DENND1A: variants seen among roughly 807,000 people sequenced by gnomAD.
The protein encoded by DENND1A is DENN domain-containing protein 1A.
DENND1A carries 51 observed loss-of-function variants against 113.7 expected under a neutral mutation model. The observed-to-expected ratio is 0.45, with a 90% confidence interval of 0.36 to 0.57. The LOEUF (loss-of-function observed/expected upper bound fraction) is 0.57, where lower values mean the gene tolerates loss of function less well. Ranked by LOEUF, DENND1A falls within the 20% of genes least tolerant of loss-of-function variation. DENND1A has a pLI of 0.00. For synonymous variants in DENND1A, 565 were observed against 570.8 expected, an observed-to-expected ratio of 0.99 and a Z score of 0.14; for missense variants, 1,258 against 1,395.9, an observed-to-expected ratio of 0.90 and a Z score of 1.57.
chr9:123,916,694 G>A (rs550829413), intron 1 of DENND1A, among the ~76,000 whole-genome samples: 101 of 152,110 alleles, frequency 6.6e-4, no homozygotes, highest in African/African-American at 2.3e-3. Context: ...TTTAATGGAA[G>A]GACAAATGAA....
chr9:123,646,750 T>C (rs903885197), intron 9 of DENND1A, among the ~76,000 whole-genome samples: 1 of 152,138 alleles, frequency 6.6e-6, no homozygotes, highest in African/African-American at 2.4e-5. Flanking sequence ...CAGGGATTGT[T>C]GCCTGTTTTG....
At chr9:123,737,001 C>T (rs1316109942) in intron 5 of DENND1A, among the ~76,000 whole-genome samples, 1 of 152,080 alleles carries the variant, frequency 6.6e-6, no homozygotes, top group African/African-American at 2.4e-5. Flanking sequence ...TATAAAATGT[C>T]AATATAATTT....
intron 5 of DENND1A, among the ~76,000 whole-genome samples, chr9:123,722,152 T>C (rs1256343991): frequency 6.6e-6 from 1 of 152,214 alleles, no homozygotes; most frequent in African/African-American, 2.4e-5. Context: ...ACTCTTGTTA[T>C]GTTTTAGCAA....
intron 8 of DENND1A, among the ~76,000 whole-genome samples, chr9:123,662,460 G>A (rs1023911776): frequency 3.3e-5 from 5 of 152,200 alleles, no homozygotes; most frequent in African/African-American, 1.2e-4. Flanking sequence ...CTATTTGGGA[G>A]GCTGAGACAG....
At chr9:123,577,003 G>A (rs2058671816) in intron 12 of DENND1A, among the ~76,000 whole-genome samples, 1 of 151,920 alleles carries the variant, frequency 6.6e-6, no homozygotes, top group Admixed American at 6.6e-5. Context: ...GCTTCTTGGA[G>A]CTCTGAGTAT....
chr9:123,522,575 G>A (rs1301709453), intron 13 of DENND1A, among the ~76,000 whole-genome samples: 2 of 152,084 alleles, frequency 1.3e-5, no homozygotes, highest in African/African-American at 2.4e-5. Context: ...TGAATAAAGG[G>A]CCATTTTGTT....
chr9:123,615,848 C>T (rs1303376406), intron 10 of DENND1A, among the ~76,000 whole-genome samples: 1 of 152,220 alleles, frequency 6.6e-6, no homozygotes, highest in Non-Finnish European at 1.5e-5. Flanking sequence ...TTACTGAGCA[C>T]ACACCACATT....
intron 12 of DENND1A, among the ~76,000 whole-genome samples, chr9:123,570,819 T>C (rs1248425968): frequency 2.0e-5 from 3 of 152,146 alleles, no homozygotes; most frequent in Non-Finnish European, 4.4e-5. Context: ...CACACACCAG[T>C]TCCTACAAGC....
At chr9:123,891,747 TGGA>T (rs559919156) in intron 1 of DENND1A, among the ~76,000 whole-genome samples, 85 of 152,324 alleles carry the variant, frequency 5.6e-4, no homozygotes, top group African/African-American at 1.9e-3. Context: ...CCAGCAGAGA[TGGA>T]GTAACATGGA....
At chr9:123,611,591 G>A (rs1390652669) in intron 10 of DENND1A, among the ~76,000 whole-genome samples, 2 of 152,130 alleles carry the variant, frequency 1.3e-5, no homozygotes, top group Non-Finnish European at 2.9e-5. Context: ...AAGGGAGAAA[G>A]CACAAATCCA....
chr9:123,599,515 G>C (rs577034965), intron 11 of DENND1A, among the ~76,000 whole-genome samples: 9 of 152,280 alleles, frequency 5.9e-5, no homozygotes, highest in Middle Eastern at 3.4e-3. Flanking sequence ...AATGTTCATG[G>C]CACTTCGGTC....
intron 13 of DENND1A, among the ~76,000 whole-genome samples, chr9:123,522,981 C>CT (rs2054516396): frequency 6.6e-6 from 1 of 152,220 alleles, no homozygotes; most frequent in Non-Finnish European, 1.5e-5. Context: ...ACTGAGCTCT[C>CT]TTTTCCTTCC....
chr9:123,715,712 T>C (rs1589783909), intron 5 of DENND1A, among the ~76,000 whole-genome samples: 1 of 152,110 alleles, frequency 6.6e-6, no homozygotes, highest in Admixed American at 6.5e-5. Context: ...TGAGACAGGA[T>C]ATCACTCCCA....
At chr9:123,862,433 C>T (rs1010242861) in intron 2 of DENND1A, among the ~76,000 whole-genome samples, 1 of 152,110 alleles carries the variant, frequency 6.6e-6, no homozygotes, top group African/African-American at 2.4e-5. Context: ...CCTAAATCCT[C>T]CATCAGAAGA....
At chr9:123,901,407 T>C (rs1851601629) in intron 1 of DENND1A, among the ~76,000 whole-genome samples, 1 of 152,216 alleles carries the variant, frequency 6.6e-6, no homozygotes, top group Non-Finnish European at 1.5e-5. Context: ...TAAAAATTCA[T>C]GAAGTTTCTT....
rs542541418 is a variant in DENND1A at position 123,513,689 on chromosome 9, T to A, written c.993+43881A>T. Among the ~76,000 whole-genome samples the A allele has an allele frequency of 1.1e-4, 16 of 152,318 alleles. No individual in the cohort carries two copies. The South Asian group carries it at 3.3e-3, about 32-fold the overall frequency. On this transcript the variant is annotated intron_variant, in intron 13 of 23. Transcript: ENST00000394215. ...TGTTCTGGGCCCAAAGACAGCATCA[T>A]ACCAAGACTTGCTCTTGATGACTGA... is the stretch of plus-strand genomic sequence containing the variant.
intron 10 of DENND1A, among the ~76,000 whole-genome samples, chr9:123,624,156 T>G (rs1315163671): frequency 6.6e-6 from 1 of 152,246 alleles, no homozygotes; most frequent in African/African-American, 2.4e-5. Context: ...TTCCTTTTTG[T>G]GTATCCCCTG....
At chr9:123,552,039 C>CAGAGAGAGAG (rs58452320) in intron 13 of DENND1A, among the ~76,000 whole-genome samples, 7,698 of 128,118 alleles carry the variant, frequency 0.06, 498 homozygotes, top group African/African-American at 0.15. Flanking sequence ...GAGAGAGAGA[C>CAGAGAGAGAG]AGAGAGAGAG....
chr9:123,744,470 T>G (rs754182636), intron 5 of DENND1A, among the ~76,000 whole-genome samples: 9 of 152,194 alleles, frequency 5.9e-5, no homozygotes, highest in Non-Finnish European at 1.0e-4. Context: ...ATTTCTGAGT[T>G]TTTCATAAAA....
Sources: allele counts gnomAD v4.1 joint callset (sites outside exome capture counted in the v4.1 genomes callset), GRCh38; gene constraint gnomAD v4.1.1; transcripts MANE v1.5; gene names NCBI Gene and HGNC (gene_info 2026-07-23, HGNC 2026-07-21).